NCOR2: variants seen among roughly 807,000 people sequenced by gnomAD.
NCOR2 encodes the protein CTG repeat protein 26.
A neutral mutation model predicts 262.9 loss-of-function variants in NCOR2; 81 were observed. That is an observed-to-expected ratio of 0.31 (90% CI 0.26 to 0.37). The LOEUF (loss-of-function observed/expected upper bound fraction) is 0.37. Ranked by LOEUF, NCOR2 falls within the 10% of genes least tolerant of loss-of-function variation. The probability of loss-of-function intolerance (pLI) is 1.00; values close to 1 mark genes in which losing one functional copy is unlikely to be tolerated. For missense variants in NCOR2, 3,385 were observed against 3,621.4 expected (o/e 0.93, Z 1.68); for synonymous variants, 1,659 against 1,559.3 (o/e 1.06, Z -1.51).
chr12:124,468,688 CCCCCCTCATCCTCATCA>C (rs1208467857), intron 4 of NCOR2, among the ~76,000 whole-genome samples: 24 of 82 alleles, frequency 0.29, 8 homozygotes, highest in Non-Finnish European at 0.41. Context: ...ATCCTCATCA[CCCCCCTCATCCTCATCA>C]CCCCCTCATC....
At chr12:124,519,105 C>T (rs959597168) in intron 1 of NCOR2, among the ~76,000 whole-genome samples, 10 of 150,298 alleles carry the variant, frequency 6.7e-5, no homozygotes, top group African/African-American at 2.4e-4. Flanking sequence ...CACACACACA[C>T]ACACACACAC....
In NCOR2 at chr12:124,477,228, C is replaced by T. The variant is rs181930872; in HGVS notation, c.412-4097G>A. On this transcript the variant is annotated intron_variant, in intron 3 of 46. Coordinates refer to ENST00000405201, the Ensembl canonical transcript of NCOR2. ...ATTGAATCATGGTGGCGGTTTCCCC[C>T]GTCCTGTTCTCATGATGGTGAGTGA... is the stretch of plus-strand genomic sequence containing the variant. 2.4e-3 allele frequency among the ~76,000 whole-genome samples: 373 copies of T among 152,276 alleles called. 1 individual carries two copies. Among genetic ancestry groups the T allele is most frequent in the Non-Finnish European group, 4.0e-3 (271 of 68,010 alleles).
intron 1 of NCOR2, among the ~76,000 whole-genome samples, chr12:124,500,970 T>C (rs2048677163): frequency 6.6e-6 from 1 of 151,806 alleles, no homozygotes; most frequent in Non-Finnish European, 1.5e-5. Flanking sequence ...GTGCTGACAT[T>C]GGAAGAACCT....
intron 8 of NCOR2, among the ~76,000 whole-genome samples, chr12:124,435,538 A>C (rs1448533734): frequency 6.6e-6 from 1 of 152,162 alleles, no homozygotes; most frequent in African/African-American, 2.4e-5. Flanking sequence ...TACCCAACCA[A>C]GTTCGGGGCC....
At position 124,385,824 on chromosome 12, in the gene NCOR2, G is replaced by A. The variant is rs760341538; in HGVS notation, c.1940C>T (p.Ser647Leu). 1.2e-5 allele frequency: 19 copies of A among 1,613,904 alleles called. No homozygotes were observed. The East Asian group carries it at 1.3e-4, about 11-fold the overall frequency. The change falls in exon 17 of 47, where the codon TCG (serine) becomes TTG (leucine). Residue 647 changes from serine to leucine, a missense_variant. By Grantham distance (145) the Ser-to-Leu change is moderately radical (BLOSUM62 -2). Transcript: ENST00000405201. The stretch of plus-strand genomic sequence containing the variant: ...GTTGAAGTAGAAGTTCTTACACTGC[G>A]ACACAGTCTTGGAGCCCACCATCCG...
chr12:124,372,403 G>C, exon 20 of NCOR2: 2 of 1,497,892 alleles, frequency 1.3e-6, no homozygotes, highest in Non-Finnish European at 1.8e-6. Context: ...GGGTGCTGGT[G>C]GGGGCGTAGG....
At chr12:124,331,050 A>G (rs1593075331) in intron 43 of NCOR2, 152 bp from the exon 46 acceptor site, 2 of 666,314 alleles carry the variant, frequency 3.0e-6, no homozygotes, top group Admixed American at 3.0e-5. Flanking sequence ...GACAGGGCCA[A>G]GCGTCTGCAT....
chr12:124,404,307 C>G (rs2042148675), intron 13 of NCOR2, among the ~76,000 whole-genome samples: 1 of 152,178 alleles, frequency 6.6e-6, no homozygotes, highest in South Asian at 2.1e-4. Flanking sequence ...TGGCAACAGC[C>G]CAGGGCCAGA....
chr12:124,504,815 CAGG>C lies in NCOR2; in HGVS notation c.-117-9450_-117-9448del, dbSNP rs2136977224. On this transcript the variant is annotated intron_variant, in intron 1 of 46. Transcript: ENST00000404621. This position sits in a 1 kb window ranked among gnomAD's most constrained non-coding sequence, Gnocchi z 4.5. The stretch of plus-strand genomic sequence containing the variant: ...GCACTGCATGATTCCATTAACTTCA[CAGG>C]AGGGGCAGATTCCCAGGACAGAACA... Among the ~76,000 whole-genome samples the C allele has an allele frequency of 6.6e-6, 1 of 152,274 alleles. No homozygotes were observed. The highest frequency in any genetic ancestry group is 2.4e-5 in the African/African-American group (1 of 41,550).
At chr12:124,344,810 G>C (rs754766110) in exon 32 of NCOR2, 1 of 1,554,590 alleles carries the variant, frequency 6.4e-7, no homozygotes, top group Non-Finnish European at 8.7e-7. Flanking sequence ...TAGCAGGCAC[G>C]TTCCAGTGCC....
At chr12:124,398,767 C>A (rs900007868) in intron 15 of NCOR2, among the ~76,000 whole-genome samples, 1 of 152,258 alleles carries the variant, frequency 6.6e-6, no homozygotes, top group Admixed American at 6.5e-5. Flanking sequence ...CACTGCCTGG[C>A]GTCCCCTAGT....
At chr12:124,332,605 T>C (rs965806680) in intron 42 of NCOR2, 138 bp from the exon 45 acceptor site, 32 of 1,108,232 alleles carry the variant, frequency 2.9e-5, no homozygotes, top group Non-Finnish European at 3.8e-5. Flanking sequence ...ATCCCCTGCC[T>C]GGTAGAAGAT....
chr12:124,448,474 G>A lies in NCOR2; in HGVS notation c.815+1341C>T, dbSNP rs576716935. On this transcript the variant is annotated intron_variant, in intron 7 of 46. Coordinates refer to ENST00000405201, the Ensembl canonical transcript of NCOR2. ...TCTGTACCAGCCCGGGACCCCTGGC[G>A]CAGAACACATGCCCCTTCCTGACAC... Among the ~76,000 whole-genome samples the A allele has an allele frequency of 3.3e-5, 5 of 152,318 alleles. No homozygotes were observed. The East Asian group carries it at 5.8e-4, about 18-fold the overall frequency.
intron 1 of NCOR2, among the ~76,000 whole-genome samples, chr12:124,502,286 C>T (rs902683875): frequency 6.6e-6 from 1 of 152,214 alleles, no homozygotes; most frequent in African/African-American, 2.4e-5. Context: ...TTGTTAAGCA[C>T]CTACTGTGTG....
chr12:124,539,441 C>T (rs2051222907), upstream of NCOR2: 1 of 152,886 alleles, frequency 6.5e-6, no homozygotes, highest in African/African-American at 2.4e-5. This position sits in a 1 kb window ranked among gnomAD's most constrained non-coding sequence, Gnocchi z 5.1. Flanking sequence ...CACTGTCCCC[C>T]AGCAAGCTCC....
chr12:124,327,063 C>T (rs942955479), intron 45 of NCOR2, among the ~76,000 whole-genome samples: 1 of 152,174 alleles, frequency 6.6e-6, no homozygotes, highest in Non-Finnish European at 1.5e-5. Flanking sequence ...TTCACTCCAG[C>T]CTGCTCTCCC....
At chr12:124,361,926 A>G (rs779845065) in intron 22 of NCOR2, among the ~76,000 whole-genome samples, 200 bp downstream of exon 24, 6 of 152,262 alleles carry the variant, frequency 3.9e-5, no homozygotes, top group Non-Finnish European at 8.8e-5. Flanking sequence ...CCCACTTTAG[A>G]GAAAACAAGA....
In NCOR2 at chr12:124,479,212, G is replaced by A. The variant is rs144219904; in HGVS notation, c.411+4384C>T. Among the ~76,000 whole-genome samples, 9 of 152,292 alleles carry A rather than the reference G, an allele frequency of 5.9e-5. No homozygotes were observed. In the East Asian group the frequency reaches 9.6e-4, roughly 16 times the overall value. On this transcript the variant is annotated intron_variant, in intron 3 of 46. Coordinates refer to ENST00000405201, the Ensembl canonical transcript of NCOR2. Reference sequence around the variant, plus strand: ...CAAGGCTGGGCCCTGAGCTGCCTGCGCACAAACACATGCACACACACGTGC... The same window carrying A: ...CAAGGCTGGGCCCTGAGCTGCCTGCACACAAACACATGCACACACACGTGC...
At chr12:124,430,912 A>G (rs1378400809) in intron 8 of NCOR2, 125 bp from the exon 11 acceptor site, 2 of 1,114,526 alleles carry the variant, frequency 1.8e-6, no homozygotes, top group South Asian at 1.6e-5. Flanking sequence ...TCACACAGGC[A>G]CACACATATA....
Sources: allele counts gnomAD v4.1 joint callset (sites outside exome capture counted in the v4.1 genomes callset), GRCh38; gene constraint gnomAD v4.1.1; non-coding constraint Gnocchi (gnomAD v3.1); transcripts MANE v1.5; gene names NCBI Gene and HGNC (gene_info 2026-07-23, HGNC 2026-07-21).